CCDC85A: variants seen among roughly 807,000 people sequenced by gnomAD.
CCDC85A encodes the protein coiled-coil domain containing 85A.
In CCDC85A, 38 loss-of-function variants were observed where a neutral mutation model predicts 50.2. The observed-to-expected ratio is 0.76, with a 90% CI of 0.58 to 0.99. CCDC85A has a LOEUF of 0.99. CCDC85A is among the 50% of genes least tolerant of loss of function. CCDC85A has a pLI of 0.00. For missense variants in CCDC85A, 820 were observed against 742.0 expected (o/e 1.11, Z -1.22); for synonymous variants, 366 against 301.4 (o/e 1.21, Z -2.22).
intron 2 of CCDC85A, among the ~76,000 whole-genome samples, chr2:56,269,191 C>A (rs1221808472): frequency 4.6e-5 from 7 of 152,148 alleles, no homozygotes; most frequent in Non-Finnish European, 1.5e-5. Flanking sequence ...GGAGCATCCT[C>A]CACTAGGACC....
At chr2:56,382,643 A>G (rs907472571) in intron 5 of CCDC85A, among the ~76,000 whole-genome samples, 7 of 151,996 alleles carry the variant, frequency 4.6e-5, no homozygotes, top group Non-Finnish European at 7.4e-5. Flanking sequence ...TTTTTAGTTA[A>G]TAAGTCACTA....
intron 2 of CCDC85A, among the ~76,000 whole-genome samples, chr2:56,288,948 AC>A: frequency 6.6e-6 from 1 of 152,288 alleles, no homozygotes; most frequent in East Asian, 1.9e-4. Flanking sequence ...GAGCCTTATG[AC>A]CCTTTAGTTG....
intron 2 of CCDC85A, among the ~76,000 whole-genome samples, chr2:56,202,390 A>G (rs1676781898): frequency 6.6e-6 from 1 of 152,168 alleles, no homozygotes; most frequent in Admixed American, 6.5e-5. Flanking sequence ...CCTCCCACAC[A>G]GACTCTCCTT....
At chr2:56,256,297 C>T (rs757388026) in intron 2 of CCDC85A, among the ~76,000 whole-genome samples, 2 of 152,154 alleles carry the variant, frequency 1.3e-5, no homozygotes, top group Non-Finnish European at 2.9e-5. Flanking sequence ...ATTGACTACA[C>T]ATCTTTTTAA....
At chr2:56,297,997 C>A (rs924257119) in intron 2 of CCDC85A, among the ~76,000 whole-genome samples, 2 of 152,144 alleles carry the variant, frequency 1.3e-5, no homozygotes, top group African/African-American at 4.8e-5. Context: ...AGCTATGATT[C>A]CTGGCAGTGC....
intron 2 of CCDC85A, among the ~76,000 whole-genome samples, chr2:56,322,551 C>G (rs961690249): frequency 2.6e-5 from 4 of 152,164 alleles, no homozygotes; most frequent in African/African-American, 9.7e-5. Context: ...AAATGCTCAT[C>G]ATCACGGGCC....
chr2:56,193,664 G>A (rs1344051957), intron 2 of CCDC85A, among the ~76,000 whole-genome samples: 1 of 152,144 alleles, frequency 6.6e-6, no homozygotes, highest in Non-Finnish European at 1.5e-5. Flanking sequence ...TTGGGGATGA[G>A]GGTTTATGGG....
intron 3 of CCDC85A, among the ~76,000 whole-genome samples, chr2:56,352,416 G>T (rs1674999487): frequency 6.6e-6 from 1 of 152,126 alleles, no homozygotes; most frequent in Non-Finnish European, 1.5e-5. Flanking sequence ...TGTGATCGCG[G>T]CTCACTGCAA....
Position 56,203,540 on chromosome 2 carries a change from A to G in CCDC85A, c.1240+10100A>G, listed in dbSNP as rs140888704. Among the ~76,000 whole-genome samples, 1,358 of 152,262 alleles carry G rather than the reference A, an allele frequency of 8.9e-3. 17 individuals carry two copies. The highest frequency in any genetic ancestry group is 9.4e-3 in the Non-Finnish European group (640 of 68,022). On this transcript the variant is annotated intron_variant, in intron 2 of 5. Transcript: ENST00000407595. ...GCTTATTGGCCTAGCACATAAATCT[A>G]TCTTCAGTGGAACCATTTTTGCCAG...
chr2:56,189,311 T>C (rs1653067006), intron 1 of CCDC85A, among the ~76,000 whole-genome samples: 1 of 149,906 alleles, frequency 6.7e-6, no homozygotes, highest in African/African-American at 2.5e-5. Flanking sequence ...TTTTTTTTTT[T>C]TGAGACAAGG....
intron 2 of CCDC85A, among the ~76,000 whole-genome samples, chr2:56,228,135 C>T (rs1410191152): frequency 6.6e-6 from 1 of 152,172 alleles, no homozygotes; most frequent in South Asian, 2.1e-4. Context: ...GTGAAGTCAG[C>T]CAGTCCAGCA....
intron 2 of CCDC85A, among the ~76,000 whole-genome samples, chr2:56,226,606 C>T (rs1222162055): frequency 6.6e-6 from 1 of 152,008 alleles, no homozygotes; most frequent in Non-Finnish European, 1.5e-5. Flanking sequence ...TGCGTTTTAG[C>T]TTCATTACAT....
In CCDC85A at chr2:56,294,381, A is replaced by G. The variant is rs938529360; in HGVS notation, c.1241-48498A>G. On this transcript the variant is annotated intron_variant, in intron 2 of 5. Coordinates refer to ENST00000407595, the MANE Select transcript of CCDC85A (RefSeq NM_001080433.2). ...GGGTTGATAGATGTGGCAAACCACC[A>G]TGGCACACATTTACCTATGTAACAA... Among the ~76,000 whole-genome samples, 6 of 152,332 alleles carry G rather than the reference A, an allele frequency of 3.9e-5. No individual in the cohort carries two copies. In the East Asian group the frequency reaches 9.7e-4, roughly 25 times the overall value.
intron 2 of CCDC85A, among the ~76,000 whole-genome samples, chr2:56,287,182 AC>A (rs1280769577): frequency 6.6e-6 from 1 of 152,104 alleles, no homozygotes; most frequent in Non-Finnish European, 1.5e-5. Flanking sequence ...CACTTTTGTA[AC>A]CCAGACTTTT....
intron 2 of CCDC85A, among the ~76,000 whole-genome samples, chr2:56,282,264 T>C (rs1671240806): frequency 6.6e-6 from 1 of 151,918 alleles, no homozygotes; most frequent in Non-Finnish European, 1.5e-5. Flanking sequence ...TTGTTATGTT[T>C]GTCTGTCCTT....
At chr2:56,266,592 T>G in intron 2 of CCDC85A, among the ~76,000 whole-genome samples, 1 of 38,832 alleles carries the variant, frequency 2.6e-5, no homozygotes. Context: ...CCCCCCCCCA[T>G]AATCTTCTTC....
At chr2:56,318,382 A>G (rs1270665451) in intron 2 of CCDC85A, among the ~76,000 whole-genome samples, 1 of 151,998 alleles carries the variant, frequency 6.6e-6, no homozygotes, top group African/African-American at 2.4e-5. Flanking sequence ...TAGAATGCTC[A>G]TCCTCTAACC....
chr2:56,372,590 G>C, intron 4 of CCDC85A, 112 bp downstream of exon 4: 2 of 1,223,518 alleles, frequency 1.6e-6, no homozygotes, highest in Non-Finnish European at 2.2e-6. Context: ...ACACATGAAA[G>C]AAAGTTGTAT....
intron 2 of CCDC85A, among the ~76,000 whole-genome samples, chr2:56,223,026 C>T (rs1056923188): frequency 2.0e-5 from 3 of 152,042 alleles, no homozygotes; most frequent in African/African-American, 7.2e-5. Flanking sequence ...GCGTAAGTGC[C>T]AAGGTTTTCT....
Sources: allele counts gnomAD v4.1 joint callset (sites outside exome capture counted in the v4.1 genomes callset), GRCh38; gene constraint gnomAD v4.1.1; transcripts MANE v1.5; gene names NCBI Gene and HGNC (gene_info 2026-07-23, HGNC 2026-07-21).